POLD2: variants seen among roughly 807,000 people sequenced by gnomAD.
The protein encoded by POLD2 is DNA polymerase delta 2, accessory subunit.
In POLD2, 31 loss-of-function variants were observed where a neutral mutation model predicts 48.8. The ratio of observed to expected loss-of-function variants is 0.64; its 90% confidence interval spans 0.48 to 0.86. The LOEUF (loss-of-function observed/expected upper bound fraction) is 0.86. Among genes scored for constraint, POLD2 ranks in the 40% least tolerant of loss-of-function variants. POLD2 has a pLI of 0.00. For synonymous variants in POLD2, 233 were observed against 256.3 expected (o/e 0.91, Z 0.87); for missense variants, 455 against 610.1 (o/e 0.75, Z 2.68).
At position 44,123,220 on chromosome 7, in the gene POLD2, C is replaced by T; in HGVS notation, c.-57+291G>A. 3 of 1,286,508 alleles carry T rather than the reference C, an allele frequency of 2.3e-6. No individual in the cohort carries two copies. The East Asian group carries it at 9.6e-5, about 41-fold the overall frequency. 79.7% of individuals were successfully genotyped at this position (1,286,508 alleles called of 1,614,324 possible). On this transcript the variant is annotated intron_variant, in intron 1 of 10. Coordinates refer to ENST00000610533, the MANE Select transcript of POLD2 (RefSeq NM_006230.4). ...TCCCTAGCGGCTTGCAATCTATCTC[C>T]ACGGGACAGCACTGGCCTGGGACAC...
At chr7:44,124,089 C>T (rs78584757), upstream of POLD2, among the ~76,000 whole-genome samples, 1,420 of 152,292 alleles carry the variant, frequency 9.3e-3, 21 homozygotes, top group African/African-American at 0.032. Flanking sequence ...GTCCTGCCAG[C>T]GTCTGCGTCC....
In POLD2 at chr7:44,117,258, G is replaced by A. The variant is rs2096241537; in HGVS notation, c.467-11C>T. 6.2e-7 allele frequency: 1 copy of A among 1,600,960 alleles called. No individual in the cohort carries two copies. Among genetic ancestry groups the A allele is most frequent in the Non-Finnish European group, 8.6e-7 (1 of 1,168,940 alleles). On this transcript the variant is annotated splice_polypyrimidine_tract_variant and intron_variant, in intron 4 of 10. Transcript: ENST00000610533. ...CAGCCAGGACAGTCCCTGGGGAGCAGTGGCATCAGGCCTGAGCAGGGAGCC... is the reference window on the plus strand; with the variant it reads ...CAGCCAGGACAGTCCCTGGGGAGCAATGGCATCAGGCCTGAGCAGGGAGCC...
chr7:44,117,539 T>A, intron 4 of POLD2, 80 bp downstream of exon 4: 6 of 1,468,720 alleles, frequency 4.1e-6, no homozygotes, highest in Non-Finnish European at 5.6e-6. Context: ...CCCCCCAGGC[T>A]CCCCACTCAC....
At chr7:44,120,598 C>A (rs1166500478) in intron 2 of POLD2, among the ~76,000 whole-genome samples, 1 of 152,160 alleles carries the variant, frequency 6.6e-6, no homozygotes, top group Non-Finnish European at 1.5e-5. Context: ...ACGGAGGGAC[C>A]TGGTGGGAGG....
intron 1 of POLD2, 34 bp downstream of exon 1, chr7:44,123,477 C>A: frequency 4.0e-6 from 6 of 1,497,038 alleles, no homozygotes; most frequent in Non-Finnish European, 5.3e-6. Context: ...AACTGCCACC[C>A]CCAGCTGACC....
intron 1 of POLD2, 53 bp downstream of exon 1, chr7:44,123,458 G>A: frequency 1.3e-6 from 2 of 1,492,014 alleles, no homozygotes; most frequent in Non-Finnish European, 1.8e-6. Flanking sequence ...GCCCGGCCTC[G>A]CGGCCTGGAA....
intron 2 of POLD2, among the ~76,000 whole-genome samples, chr7:44,119,710 T>C (rs1422581724): frequency 6.6e-6 from 1 of 152,196 alleles, no homozygotes; most frequent in African/African-American, 2.4e-5. Context: ...TAGTAGGACA[T>C]GCTTCCACCC....
In POLD2 at chr7:44,122,074, T is replaced by C. The variant is rs1227301898; in HGVS notation, c.-21A>G. ...AACATGGCCACACTCCTGACTTGCT[T>C]GGTCCACACAGCTTCGCCCAGGCCA... is the stretch of plus-strand genomic sequence containing the variant. On this transcript the variant is annotated 5_prime_UTR_variant, in exon 2 of 11. Coordinates refer to ENST00000610533, the MANE Select transcript of POLD2 (RefSeq NM_006230.4). 1.2e-6 allele frequency: 2 copies of C among 1,610,992 alleles called. No individual in the cohort carries two copies. The highest frequency in any genetic ancestry group is 2.1e-4 in the Middle Eastern group (1 of 4,756).
intron 10 of POLD2, 107 bp downstream of exon 10, chr7:44,115,188 C>T (rs1355301979): frequency 9.3e-6 from 8 of 864,102 alleles, no homozygotes; most frequent in Non-Finnish European, 1.4e-5. Flanking sequence ...GTCCATCCCA[C>T]AAGGGCCAGG....
In POLD2 at chr7:44,116,585, G is replaced by T; in HGVS notation, c.781-75C>A. The stretch of plus-strand genomic sequence containing the variant: ...AGAGGAGAGTAGAGCCCCACCAGCT[G>T]GAAGATGCAGTTGTTGTCCCATAGA... On this transcript the variant is annotated intron_variant, in intron 6 of 10. Coordinates refer to ENST00000610533, the MANE Select transcript of POLD2 (RefSeq NM_006230.4). The surrounding 1 kb of genome is among the most constrained non-coding windows in gnomAD (Gnocchi z 6.1). 8.1e-7 allele frequency: 1 copy of T among 1,230,798 alleles called. No homozygotes were observed. The highest frequency in any genetic ancestry group is 1.2e-6 in the Non-Finnish European group (1 of 858,730). The allele number at this position is 1,230,798 out of a possible 1,614,324, so 76.2% of individuals were successfully genotyped here.
At chr7:44,117,099 G>A in intron 5 of POLD2, 34 bp downstream of exon 5, 2 of 1,611,048 alleles carry the variant, frequency 1.2e-6, no homozygotes, top group East Asian at 2.2e-5. Flanking sequence ...CACTGACCAT[G>A]AGCTGGTTCC....
At chr7:44,117,090 A>T in intron 5 of POLD2, 43 bp downstream of exon 5, 1 of 1,610,046 alleles carries the variant, frequency 6.2e-7, no homozygotes, top group Non-Finnish European at 8.5e-7. Flanking sequence ...CAAAGATTCC[A>T]CTGACCATGA....
chr7:44,117,348 T>C (rs901496348), intron 4 of POLD2, 101 bp from the exon 5 acceptor site: 3 of 859,744 alleles, frequency 3.5e-6, no homozygotes, highest in Non-Finnish European at 3.8e-6. Flanking sequence ...CACAACCACA[T>C]TGGTGAATTC....
chr7:44,119,564 C>T (rs113401781), intron 2 of POLD2, among the ~76,000 whole-genome samples: 265 of 152,328 alleles, frequency 1.7e-3, no homozygotes, highest in Admixed American at 5.2e-3. Context: ...ACTCAGCCAA[C>T]GCTGAAAATG....
At position 44,116,276 on chromosome 7, in the gene POLD2, G is replaced by C. The variant is rs142222631; in HGVS notation, c.862-4C>G. On this transcript the variant is annotated splice_region_variant and splice_polypyrimidine_tract_variant and intron_variant, in intron 7 of 10. Transcript: ENST00000610533. This position sits in a 1 kb window ranked among gnomAD's most constrained non-coding sequence, Gnocchi z 6.1. The stretch of plus-strand genomic sequence containing the variant: ...TCACGTCCACGGGCACTGAGGCCTG[G>C]AAGGCACAGGGCAGGGAGAGCTCAC... 9.0e-4 allele frequency: 1,452 copies of C among 1,607,170 alleles called. 23 individuals carry two copies. In the South Asian group the frequency reaches 0.013, roughly 14 times the overall value.
chr7:44,114,930 G>C lies in POLD2; in HGVS notation c.1265C>G (p.Thr422Arg). 2 of 1,608,208 alleles carry C rather than the reference G, an allele frequency of 1.2e-6. No homozygotes were observed. The highest frequency in any genetic ancestry group is 4.5e-5 in the East Asian group (2 of 44,672). The stretch of plus-strand genomic sequence containing the variant: ...GTCAGGGACAGTCACCAACAGCACT[G>C]TCTGGTCCTCAGGACCTGCAAAGAA... ...SKIIRGPEDQ[T>R]VLLVTVPDFS... Residue 422 changes from threonine to arginine, a missense_variant, in exon 11 of 11, where the codon ACA (threonine) becomes AGA (arginine). Thr to Arg is a moderately conservative substitution (Grantham distance 71, BLOSUM62 -1). Coordinates refer to ENST00000610533, the MANE Select transcript of POLD2 (RefSeq NM_006230.4).
At position 44,115,033 on chromosome 7, in the gene POLD2, T is replaced by A. The variant is rs146004338; in HGVS notation, c.1250-88A>T. The A allele has an allele frequency of 8.6e-5, 102 of 1,185,814 alleles. No homozygotes were observed. The African/African-American group carries it at 1.4e-3, about 16-fold the overall frequency. 73.5% of individuals were successfully genotyped at this position (1,185,814 alleles called of 1,614,324 possible). On this transcript the variant is annotated intron_variant, in intron 10 of 10. Transcript: ENST00000610533. ...TGCCAGAAATAAACAGGAGTCCCCATTGGCACACAGTGGGGCAGTGACAAT... is the reference window on the plus strand; with the variant it reads ...TGCCAGAAATAAACAGGAGTCCCCAATGGCACACAGTGGGGCAGTGACAAT...
chr7:44,115,617 C>T, intron 9 of POLD2, 149 bp downstream of exon 9: 1 of 916,124 alleles, frequency 1.1e-6, no homozygotes, highest in Non-Finnish European at 1.6e-6. Context: ...AGAGTAGCTT[C>T]CAGAGCAGGT....
chr7:44,122,385 ACT>A (rs1259082021), intron 1 of POLD2: 3 of 1,174,464 alleles, frequency 2.6e-6, no homozygotes, highest in Non-Finnish European at 3.2e-6. Flanking sequence ...CATCTGGACA[ACT>A]ACCAGGGTCT....
Sources: allele counts gnomAD v4.1 joint callset (sites outside exome capture counted in the v4.1 genomes callset), GRCh38; gene constraint gnomAD v4.1.1; non-coding constraint Gnocchi (gnomAD v3.1); transcripts MANE v1.5; gene names NCBI Gene and HGNC (gene_info 2026-07-23, HGNC 2026-07-21).